Variants in MCMDC2 observed in about 807,000 individuals in gnomAD.
MCMDC2 encodes the protein minichromosome maintenance domain-containing protein 2.
A neutral mutation model predicts 75.8 loss-of-function variants in MCMDC2; 54 were observed. That is an observed-to-expected ratio of 0.71 (90% CI 0.57 to 0.89). MCMDC2 has a LOEUF of 0.89. MCMDC2 is among the 40% of genes least tolerant of loss of function. MCMDC2 has a pLI of 0.00. For synonymous variants in MCMDC2, 249 were observed against 274.6 expected (o/e 0.91, Z 0.92); for missense variants, 656 against 780.4 (o/e 0.84, Z 1.90).
Position 66,905,274 on chromosome 8 carries a change from G to C in MCMDC2, c.1818G>C (p.Val606=), listed in dbSNP as rs1192265677. ...AHARLNLRNK[V]LKEDVLIAAL... ...CACGACTGAACTTAAGGAACAAAGTGCTTAAAGAAGATGTGCTGATTGCAG... is the reference window on the plus strand; with the variant it reads ...CACGACTGAACTTAAGGAACAAAGTCCTTAAAGAAGATGTGCTGATTGCAG... Residue 606 remains valine, a synonymous_variant, in exon 14 of 15, where the codon GTG becomes GTC. Coordinates refer to ENST00000422365, the MANE Select transcript of MCMDC2 (RefSeq NM_173518.5). The C allele has an allele frequency of 6.7e-7, 1 of 1,502,254 alleles. No homozygotes were observed. Among genetic ancestry groups the C allele is most frequent in the South Asian group, 1.4e-5 (1 of 72,316 alleles). The allele number at this position is 1,502,254 out of a possible 1,614,324, so 93.1% of individuals were successfully genotyped here.
At position 66,907,226 on chromosome 8, in the gene MCMDC2, C is replaced by T. The variant is rs1232613287; in HGVS notation, c.1879+1891C>T. Reference sequence around the variant, plus strand: ...TGTCCTAATGCTCTCCTTCCCCTTGCCCCCGCCAACCCCCAACAGGCCTCA... The same window carrying T: ...TGTCCTAATGCTCTCCTTCCCCTTGTCCCCGCCAACCCCCAACAGGCCTCA... On this transcript the variant is annotated intron_variant, in intron 14 of 14. Transcript: ENST00000422365. Among the ~76,000 whole-genome samples, 12 of 151,944 alleles carry T rather than the reference C, an allele frequency of 7.9e-5. 1 individual carries two copies. The East Asian group carries it at 1.2e-3, about 15-fold the overall frequency.
intron 4 of MCMDC2, among the ~76,000 whole-genome samples, chr8:66,877,105 A>T (rs1043117303): frequency 2.6e-5 from 4 of 152,086 alleles, no homozygotes; most frequent in African/African-American, 9.7e-5. Context: ...ATGGTCAGAA[A>T]TTGTGTATAT....
At chr8:66,886,154 A>G (rs1811827550) in intron 9 of MCMDC2, among the ~76,000 whole-genome samples, 2 of 146,962 alleles carry the variant, frequency 1.4e-5, no homozygotes, top group African/African-American at 5.0e-5. Context: ...AGGTATATGT[A>G]TAACTTTTTT....
At chr8:66,925,111 C>T (rs1813679798), downstream of MCMDC2, among the ~76,000 whole-genome samples, 1 of 152,224 alleles carries the variant, frequency 6.6e-6, no homozygotes, top group African/African-American at 2.4e-5. Context: ...CCGGGTGGAG[C>T]ACGAAGCCTC....
chr8:66,890,180 C>T (rs1364489589), intron 9 of MCMDC2, among the ~76,000 whole-genome samples: 2 of 152,190 alleles, frequency 1.3e-5, no homozygotes, highest in Admixed American at 1.3e-4. Flanking sequence ...AGTTCTCCTG[C>T]CTCAGCCTCC....
In MCMDC2 at chr8:66,896,824, A is replaced by G; in HGVS notation, c.1491A>G (p.Leu497=). ...IPANLVEAFG[L]LINCNESSPC... is the part of the protein sequence containing the mutation. The stretch of plus-strand genomic sequence containing the variant: ...CTAACCTTGTGGAGGCATTTGGTTT[A>G]TTGATTAACTGCAACGAGTCATCTC... The change falls in exon 12 of 15, where the codon TTA becomes TTG. Residue 497 remains leucine, a synonymous_variant. Transcript: ENST00000422365. 5 of 1,613,210 alleles carry G rather than the reference A, an allele frequency of 3.1e-6. No homozygotes were observed. The highest frequency in any genetic ancestry group is 3.4e-6 in the Non-Finnish European group (4 of 1,179,634).
intron 13 of MCMDC2, among the ~76,000 whole-genome samples, chr8:66,902,711 A>AAAAAAAAT (rs1467425752): frequency 1.9e-4 from 13 of 67,930 alleles, no homozygotes; most frequent in African/African-American, 5.1e-4. Flanking sequence ...AAAAAAAAAA[A>AAAAAAAAT]ATATATATAT....
chr8:66,897,524 G>A (rs1044635287), intron 12 of MCMDC2, among the ~76,000 whole-genome samples: 2 of 151,832 alleles, frequency 1.3e-5, no homozygotes, highest in Non-Finnish European at 2.9e-5. Context: ...TTTTATTTTT[G>A]TACCATTGTC....
At chr8:66,879,830 C>G (rs1467102034) in intron 7 of MCMDC2, among the ~76,000 whole-genome samples, 1 of 152,116 alleles carries the variant, frequency 6.6e-6, no homozygotes, top group African/African-American at 2.4e-5. Flanking sequence ...AATGGGATCT[C>G]CTATTATTCT....
Position 66,874,170 on chromosome 8 carries a change from C to T in MCMDC2, c.30C>T (p.Ala10=), listed in dbSNP as rs1327644334. The change falls in exon 2 of 15, where the codon GCC becomes GCT. Residue 10 remains alanine (A), a synonymous_variant. Transcript: ENST00000422365. ...CAAATCTAAAAATGAAAGAGGCGGC[C>T]CTCATCTATCTTGACAGAAGTGGAG... MSNLKMKEA[A]LIYLDRSGGL... is the part of the protein sequence containing the mutation. The T allele has an allele frequency of 1.9e-6, 3 of 1,604,402 alleles. No individual in the cohort carries two copies. Among genetic ancestry groups the T allele is most frequent in the Admixed American group, 1.7e-5 (1 of 57,844 alleles).
chr8:66,891,753 C>T (rs896003188), intron 10 of MCMDC2, among the ~76,000 whole-genome samples: 4 of 152,146 alleles, frequency 2.6e-5, no homozygotes, highest in African/African-American at 9.7e-5. Flanking sequence ...AAGCCAGGAG[C>T]GGAGCAGCGA....
chr8:66,890,803 T>C, intron 9 of MCMDC2, 62 bp from the exon 10 acceptor site: 1 of 1,372,570 alleles, frequency 7.3e-7, no homozygotes, highest in Non-Finnish European at 1.0e-6. Context: ...AAATTAAATT[T>C]AATACATTGT....
chr8:66,876,270 A>G (rs1811278285), intron 4 of MCMDC2, among the ~76,000 whole-genome samples: 1 of 152,170 alleles, frequency 6.6e-6, no homozygotes, highest in Admixed American at 6.6e-5. Flanking sequence ...CTCATCAGCT[A>G]TTTAGTTACT....
chr8:66,922,564 C>G (rs763855011), downstream of MCMDC2: 2 of 518,650 alleles, frequency 3.9e-6, no homozygotes, highest in Non-Finnish European at 7.7e-6. Flanking sequence ...GCTATTAAAC[C>G]TATCTGTCAA....
Position 66,874,505 on chromosome 8 carries a change from CTTTT to C in MCMDC2, c.226-18_226-15del, listed in dbSNP as rs766597700. The C allele has an allele frequency of 8.7e-6, 14 of 1,612,346 alleles. No individual in the cohort carries two copies. Among genetic ancestry groups the C allele is most frequent in the Admixed American group, 1.7e-5 (1 of 59,734 alleles). ...TTATGCCACATGGAATTTTTGGTAA[CTTTT>C]TTTGTTTGAAATCACAGGTCTGTTT... On this transcript the variant is annotated intron_variant, in intron 3 of 14. Transcript: ENST00000422365.
chr8:66,891,164 T>A, intron 10 of MCMDC2, 94 bp downstream of exon 10: 1 of 1,117,060 alleles, frequency 9.0e-7, no homozygotes, highest in South Asian at 1.6e-5. Flanking sequence ...TTGCAGTTGT[T>A]TGAGGGTTTA....
At chr8:66,913,075 A>G (rs182209549) in intron 14 of MCMDC2, among the ~76,000 whole-genome samples, 17 of 152,292 alleles carry the variant, frequency 1.1e-4, no homozygotes, top group African/African-American at 2.4e-4. Context: ...AGCCATCCCA[A>G]CCTTCAACAA....
At chr8:66,915,943 T>G (rs1405043120) in intron 14 of MCMDC2, among the ~76,000 whole-genome samples, 1 of 152,184 alleles carries the variant, frequency 6.6e-6, no homozygotes, top group Non-Finnish European at 1.5e-5. Flanking sequence ...GGCAGAGTGG[T>G]CAACTGAATC....
intron 4 of MCMDC2, among the ~76,000 whole-genome samples, chr8:66,875,898 T>C (rs1024648865): frequency 9.8e-5 from 15 of 152,352 alleles, no homozygotes; most frequent in African/African-American, 3.6e-4. Context: ...GCTATTTATC[T>C]TATTTCCCAA....
Sources: gnomAD v4.1 joint callset for allele counts (sites outside exome capture counted in the v4.1 genomes callset) on GRCh38, gnomAD v4.1.1 for gene constraint, MANE v1.5 for transcripts, NCBI Gene and HGNC (gene_info 2026-07-23, HGNC 2026-07-21) for gene names.